The following FUT8 variants were observed in gnomAD, a reference collection of about 807,000 sequenced individuals.
FUT8 encodes the protein alpha-(1,6)-fucosyltransferase.
FUT8 carries 29 observed loss-of-function variants against 71.3 expected under a neutral mutation model. That is an observed-to-expected ratio of 0.41 (90% confidence interval 0.30 to 0.55). FUT8 has a LOEUF of 0.55. Among genes scored for constraint, FUT8 ranks in the 20% least tolerant of loss-of-function variants. The pLI is 0.34. For synonymous variants in FUT8, 254 were observed against 239.3 expected (o/e 1.06, Z -0.57); for missense variants, 544 against 702.1 (o/e 0.77, Z 2.55).
At chr14:65,595,183 C>T (rs914131736) in intron 3 of FUT8, among the ~76,000 whole-genome samples, 1 of 152,136 alleles carries the variant, frequency 6.6e-6, no homozygotes, top group Non-Finnish European at 1.5e-5. Context: ...TGGCATTTAT[C>T]TGGCACCTTA....
At chr14:65,642,932 T>A (rs1324926768) in intron 6 of FUT8, among the ~76,000 whole-genome samples, 1 of 152,200 alleles carries the variant, frequency 6.6e-6, no homozygotes, top group Non-Finnish European at 1.5e-5. Flanking sequence ...TATCATGTCA[T>A]CTACATATAG....
intron 6 of FUT8, among the ~76,000 whole-genome samples, chr14:65,639,784 C>A (rs1890743076): frequency 6.6e-6 from 1 of 152,128 alleles, no homozygotes; most frequent in Non-Finnish European, 1.5e-5. Context: ...ACCAGTGCTA[C>A]TTACCATCTC....
chr14:65,427,415 T>C (rs1413454654), intron 1 of FUT8, among the ~76,000 whole-genome samples: 1 of 152,192 alleles, frequency 6.6e-6, no homozygotes, highest in Non-Finnish European at 1.5e-5. Context: ...CCACCAACAG[T>C]GTACAAGATT....
chr14:65,427,157 T>C (rs1392753974), intron 1 of FUT8, among the ~76,000 whole-genome samples: 5 of 152,132 alleles, frequency 3.3e-5, no homozygotes, highest in South Asian at 2.1e-4. Context: ...CCACCGCGCC[T>C]GGCCTACATA....
intron 1 of FUT8, among the ~76,000 whole-genome samples, chr14:65,435,102 C>T (rs569268333): frequency 1.3e-5 from 2 of 152,268 alleles, no homozygotes; most frequent in Non-Finnish European, 2.9e-5. Context: ...TCCAAAACCC[C>T]TTCAGATACT....
At chr14:65,618,563 T>C (rs1013610436) in intron 5 of FUT8, among the ~76,000 whole-genome samples, 16 of 152,132 alleles carry the variant, frequency 1.1e-4, no homozygotes, top group Non-Finnish European at 2.1e-4. Flanking sequence ...ATACAAATAA[T>C]GAGCAAAACA....
Position 65,561,489 on chromosome 14 carries a change from A to G in FUT8, c.-75A>G. 1 of 1,392,948 alleles carries G rather than the reference A, an allele frequency of 7.2e-7. No homozygotes were observed. Among genetic ancestry groups the G allele is most frequent in the Non-Finnish European group, 1.0e-6 (1 of 988,636 alleles). 86.3% of individuals were successfully genotyped at this position (1,392,948 alleles called of 1,614,324 possible). On this transcript the variant is annotated 5_prime_UTR_variant, in exon 3 of 11. Coordinates refer to ENST00000673929, the MANE Select transcript of FUT8 (RefSeq NM_001371533.1). The stretch of plus-strand genomic sequence containing the variant: ...ACAGAAGTCTATTCACCTGTGCACT[A>G]ACTAGAAACAGAGTTACAATGTTTT...
chr14:65,515,631 C>T (rs1350825915), intron 2 of FUT8, among the ~76,000 whole-genome samples: 1 of 151,968 alleles, frequency 6.6e-6, no homozygotes, highest in East Asian at 1.9e-4. Flanking sequence ...GACTCACAAA[C>T]AAATCATGTT....
chr14:65,463,287 G>T (rs1430167791), intron 2 of FUT8, among the ~76,000 whole-genome samples: 1 of 151,926 alleles, frequency 6.6e-6, no homozygotes, highest in African/African-American at 2.4e-5. Context: ...ATTTTTTTGA[G>T]ACAGGGCCTC....
intron 3 of FUT8, among the ~76,000 whole-genome samples, chr14:65,563,115 G>A (rs532638326): frequency 6.6e-6 from 1 of 152,094 alleles, no homozygotes; most frequent in South Asian, 2.1e-4. Flanking sequence ...AAGCAGTCAG[G>A]GATTAGAAAG....
chr14:65,484,420 AG>A (rs2066378216), intron 2 of FUT8, among the ~76,000 whole-genome samples: 1 of 152,098 alleles, frequency 6.6e-6, no homozygotes, highest in Non-Finnish European at 1.5e-5. Flanking sequence ...TTCCATTCCT[AG>A]TTTGGGTAAA....
At chr14:65,563,038 T>C (rs1447008533) in intron 3 of FUT8, among the ~76,000 whole-genome samples, 1 of 152,046 alleles carries the variant, frequency 6.6e-6, no homozygotes, top group Non-Finnish European at 1.5e-5. Flanking sequence ...TGAAAGACAA[T>C]GCTACGTGTT....
the FUT8 span, among the ~76,000 whole-genome samples, chr14:65,394,083 C>T: frequency 1.2e-4 from 18 of 152,178 alleles, no homozygotes; most frequent in South Asian, 1.7e-3. Context: ...CAGCCTCCCA[C>T]GTAGCTGGGA....
chr14:65,559,830 A>G (rs1444126805), intron 2 of FUT8, among the ~76,000 whole-genome samples: 2 of 152,128 alleles, frequency 1.3e-5, no homozygotes, highest in African/African-American at 2.4e-5. Flanking sequence ...AGAAAGGGAC[A>G]GGATAAACAA....
chr14:65,652,137 A>G lies in FUT8; in HGVS notation c.598-17106A>G, dbSNP rs114643156. Among the ~76,000 whole-genome samples the G allele has an allele frequency of 5.1e-3, 784 of 152,268 alleles. 9 individuals carry two copies. The highest frequency in any genetic ancestry group is 0.018 in the African/African-American group (736 of 41,544). On this transcript the variant is annotated intron_variant, in intron 6 of 10. Coordinates refer to ENST00000673929, the MANE Select transcript of FUT8 (RefSeq NM_001371533.1). This position sits in a 1 kb window ranked among gnomAD's most constrained non-coding sequence, Gnocchi z 4.0. Reference sequence around the variant, plus strand: ...TCCTTAGAGCCTCCAGAAGAAGCCAACCCTGCCAACACCTTGATTTTGGAC... The same window carrying G: ...TCCTTAGAGCCTCCAGAAGAAGCCAGCCCTGCCAACACCTTGATTTTGGAC...
At position 65,742,358 on chromosome 14, in the gene FUT8, G is replaced by A. The variant is rs772708773; in HGVS notation, c.1676G>A (p.Arg559Gln). ...GGCCTATATCCCTCCTACAAAGTTC[G>A]AGAGAAGATAGAAACGGTCAAGTAC... ...RTGLYPSYKV[R>Q]EKIETVKYPT... Residue 559 changes from arginine to glutamine, a missense_variant, in exon 11 of 11, where the codon CGA (arginine) becomes CAA (glutamine). Arg to Gln is a conservative substitution (Grantham distance 43, BLOSUM62 1). Transcript: ENST00000673929. The A allele has an allele frequency of 8.7e-6, 14 of 1,612,602 alleles. No homozygotes were observed. The highest frequency in any genetic ancestry group is 1.6e-4 in the Middle Eastern group (1 of 6,070).
At chr14:65,499,817 CA>C (rs201429546) in intron 2 of FUT8, among the ~76,000 whole-genome samples, 23,628 of 119,214 alleles carry the variant, frequency 0.2, 1,891 homozygotes, top group Middle Eastern at 0.26. Flanking sequence ...GACCCTGTCT[CA>C]AAAAAAAAAA....
upstream of FUT8, among the ~76,000 whole-genome samples, chr14:65,406,433 G>C (rs186179023): frequency 1.9e-4 from 29 of 152,310 alleles, no homozygotes; most frequent in Admixed American, 5.9e-4. Context: ...AAGCTTTATT[G>C]CAAGTCAACC....
intron 1 of FUT8, among the ~76,000 whole-genome samples, chr14:65,440,614 T>C (rs1036925801): frequency 6.6e-6 from 1 of 152,026 alleles, no homozygotes; most frequent in African/African-American, 2.4e-5. Flanking sequence ...TTGTACACAA[T>C]ACATATGTGT....
Sources: allele counts gnomAD v4.1 joint callset (sites outside exome capture counted in the v4.1 genomes callset), GRCh38; gene constraint gnomAD v4.1.1; non-coding constraint Gnocchi (gnomAD v3.1); transcripts MANE v1.5; gene names NCBI Gene and HGNC (gene_info 2026-07-23, HGNC 2026-07-21).